The following SPTA1 variants were observed in gnomAD, a reference collection of about 807,000 sequenced individuals.
SPTA1 encodes spectrin alpha chain, erythrocytic 1.
In SPTA1, 177 loss-of-function variants were observed where a neutral mutation model predicts 324.7. That is an observed-to-expected ratio of 0.55 (90% CI 0.48 to 0.62). The LOEUF is 0.62. SPTA1 is among the 20% of genes least tolerant of loss of function. SPTA1 has a pLI of 0.00. For synonymous variants in SPTA1, 1,195 were observed against 1,041.3 expected (o/e 1.15, Z -2.84); for missense variants, 3,162 against 2,883.6 (o/e 1.10, Z -2.21).
intron 25 of SPTA1, among the ~76,000 whole-genome samples, chr1:158,649,326 G>A (rs543512037): frequency 3.5e-4 from 53 of 152,270 alleles, no homozygotes; most frequent in African/African-American, 1.3e-3. Flanking sequence ...GTTGCAATAG[G>A]CTGGAGTGCA....
intron 46 of SPTA1, 123 bp from the exon 47 acceptor site, chr1:158,617,711 A>T (rs1649645696): frequency 2.0e-6 from 2 of 998,416 alleles, no homozygotes; most frequent in Non-Finnish European, 1.6e-6. Context: ...CATGAAGCAA[A>T]ATTTCACAGA....
chr1:158,648,900 GGTAA>G (rs1652207078), intron 25 of SPTA1, among the ~76,000 whole-genome samples: 2 of 151,988 alleles, frequency 1.3e-5, no homozygotes, highest in Admixed American at 6.6e-5. Context: ...GACTAAAGAG[GGTAA>G]GTATTTTCTC....
Position 158,661,361 on chromosome 1 carries a change from A to T in SPTA1, c.2513T>A (p.Ile838Asn). The T allele has an allele frequency of 6.2e-7, 1 of 1,613,862 alleles. No individual in the cohort carries two copies. Residue 838 changes from isoleucine (I) to asparagine (N), a missense_variant, in exon 18 of 52, where the codon ATC (isoleucine) becomes AAC (asparagine). Transcript: ENST00000643759. Reference protein sequence around the residue: ...SKKLLNRHRVILENIASHEPR... With the variant: ...SKKLLNRHRVNLENIASHEPR... ...TTCATGGCTGGCAATGTTCTCCAGG[A>T]TGACTCTATGCCTATTCAGAAGCTT...
intron 48 of SPTA1, 71 bp downstream of exon 48, chr1:158,615,145 G>A (rs113626697): frequency 3.9e-5 from 61 of 1,569,848 alleles, no homozygotes; most frequent in Middle Eastern, 4.6e-4. Flanking sequence ...CCAAACTCTC[G>A]CCCTTAGTTA....
chr1:158,613,954 GCTGAAGCTTTATTGACCTGT>G, intron 49 of SPTA1, 87 bp from the exon 50 acceptor site: 1 of 1,445,002 alleles, frequency 6.9e-7, no homozygotes, highest in South Asian at 1.2e-5. Context: ...TATTGCGTCA[GCTGAAGCTTTATTGACCTGT>G]CACAAAACTA....
intron 20 of SPTA1, 33 bp from the exon 21 acceptor site, chr1:158,654,781 G>C (rs200803226): frequency 1.4e-5 from 23 of 1,611,248 alleles, no homozygotes; most frequent in Non-Finnish European, 1.9e-5. Context: ...TGTCAGTCAC[G>C]CACTGGAAAT....
intron 8 of SPTA1, among the ~76,000 whole-genome samples, chr1:158,675,090 T>C (rs1654307551): frequency 6.6e-6 from 1 of 152,194 alleles, no homozygotes; most frequent in African/African-American, 2.4e-5. Context: ...CTAGCTCATC[T>C]TTAACCCTGT....
intron 16 of SPTA1, among the ~76,000 whole-genome samples, chr1:158,665,367 AG>A (rs1221846265): frequency 5.9e-5 from 9 of 152,110 alleles, no homozygotes; most frequent in Non-Finnish European, 1.0e-4. Flanking sequence ...TGTTTTCTGT[AG>A]ATTATTCTGT....
chr1:158,651,235 C>A, intron 24 of SPTA1, 132 bp downstream of exon 24: 1 of 726,286 alleles, frequency 1.4e-6, no homozygotes, highest in Non-Finnish European at 2.5e-6. Context: ...TTTCCTGTAG[C>A]TAATTCCATA....
intron 10 of SPTA1, among the ~76,000 whole-genome samples, chr1:158,673,982 G>A (rs1436569681): frequency 2.0e-5 from 3 of 151,860 alleles, no homozygotes; most frequent in South Asian, 2.1e-4. Flanking sequence ...TAAATAATAC[G>A]GTATAACAAT....
At position 158,610,903 on chromosome 1, in the gene SPTA1, C is replaced by A. The variant is rs999142924; in HGVS notation, c.*361G>T. On this transcript the variant is annotated 3_prime_UTR_variant, in exon 52 of 52. Transcript: ENST00000643759. Reference sequence around the variant, plus strand: ...AGCTCAACATTTTACTTAACTTTGCCCCAAAAAATATTTTTAAAAAGAATT... The same window carrying A: ...AGCTCAACATTTTACTTAACTTTGCACCAAAAAATATTTTTAAAAAGAATT... The A allele has an allele frequency of 7.2e-5, 15 of 207,982 alleles. No homozygotes were observed. Among genetic ancestry groups the A allele is most frequent in the African/African-American group, 3.5e-4 (15 of 42,494 alleles). The allele number at this position is 207,982 out of a possible 1,614,324, so 12.9% of individuals were successfully genotyped here. A position where few individuals can be genotyped will look rare whatever the true frequency, so the allele number is the denominator to read the frequency against.
chr1:158,644,877 C>T (rs10443907), intron 29 of SPTA1, among the ~76,000 whole-genome samples: 38,543 of 152,022 alleles, frequency 0.25, 5,112 homozygotes, highest in Middle Eastern at 0.33. Context: ...TGTGGCACTC[C>T]GAGCCTCCAC....
At chr1:158,626,711 G>C in intron 41 of SPTA1, 128 bp downstream of exon 41, 1 of 1,153,950 alleles carries the variant, frequency 8.7e-7, no homozygotes, top group Non-Finnish European at 1.3e-6. Flanking sequence ...TGTCCAGAAA[G>C]GATAGGAATG....
At chr1:158,615,544 AC>A in intron 47 of SPTA1, 141 bp from the exon 48 acceptor site, 1 of 774,362 alleles carries the variant, frequency 1.3e-6, no homozygotes, top group East Asian at 2.6e-5. Flanking sequence ...ACTTGGGAAA[AC>A]CACTTCACTT....
chr1:158,652,350 C>T, intron 23 of SPTA1, 117 bp downstream of exon 23: 1 of 1,201,896 alleles, frequency 8.3e-7, no homozygotes, highest in Non-Finnish European at 1.2e-6. Context: ...ACAGAGTTGC[C>T]AATAGCTTTG....
intron 21 of SPTA1, 32 bp from the exon 22 acceptor site, chr1:158,653,457 T>C: frequency 6.2e-7 from 1 of 1,613,174 alleles, no homozygotes; most frequent in Non-Finnish European, 8.5e-7. Context: ...ACTCCGTCAT[T>C]AATTCTTGGA....
intron 3 of SPTA1, among the ~76,000 whole-genome samples, chr1:158,682,130 T>C (rs377729228): frequency 1.6e-4 from 25 of 152,296 alleles, no homozygotes; most frequent in Middle Eastern, 6.8e-3. Context: ...AAGGAAATCA[T>C]TGGCACCGAA....
rs774984639 is a variant in SPTA1 at position 158,623,107 on chromosome 1, T to G, written c.5996A>C (p.Gln1999Pro). ...TDLKDKLISA[Q>P]HNQSKAIEER... ...TTCAATGGCTTTAGACTGGTTGTGT[T>G]GAGCAGAAATCAGTTTGTCCTTCAG... Residue 1999 changes from glutamine (Q) to proline (P), a missense_variant, in exon 43 of 52, where the codon CAA becomes CCA. By Grantham distance (76) the Gln-to-Pro change is moderately conservative. Transcript: ENST00000643759. 13 of 1,614,158 alleles carry G rather than the reference T, an allele frequency of 8.1e-6. No homozygotes were observed. The South Asian group carries it at 1.2e-4, about 15-fold the overall frequency.
At position 158,666,177 on chromosome 1, in the gene SPTA1, T is replaced by C. The variant is rs1250227643; in HGVS notation, c.2220+139A>G. 8.6e-6 allele frequency: 6 copies of C among 700,784 alleles called. No homozygotes were observed. The East Asian group carries it at 1.1e-4, about 13-fold the overall frequency. 43.4% of individuals were successfully genotyped at this position (700,784 alleles called of 1,614,324 possible). ...ATTACTTATTACTTAATAATCAGTG[T>C]GCTCAGAGCATATACACCCATTGCT... On this transcript the variant is annotated intron_variant, in intron 16 of 51. Coordinates refer to ENST00000643759, the MANE Select transcript of SPTA1 (RefSeq NM_003126.4).
Sources: allele counts gnomAD v4.1 joint callset (sites outside exome capture counted in the v4.1 genomes callset), GRCh38; gene constraint gnomAD v4.1.1; transcripts MANE v1.5; gene names NCBI Gene and HGNC (gene_info 2026-07-23, HGNC 2026-07-21).